DNER: variants seen among roughly 807,000 people sequenced by gnomAD.
DNER encodes delta/notch like EGF repeat containing.
A neutral mutation model predicts 78.2 loss-of-function variants in DNER; 33 were observed. That is an observed-to-expected ratio of 0.42 (90% confidence interval 0.32 to 0.56). The LOEUF (loss-of-function observed/expected upper bound fraction) is 0.56, where lower values mean the gene tolerates loss of function less well. Among genes scored for constraint, DNER ranks in the 20% least tolerant of loss-of-function variants. The pLI, the probability that DNER is intolerant of heterozygous loss-of-function variation, is 0.11. For missense variants in DNER, 918 were observed against 975.3 expected, an observed-to-expected ratio of 0.94 and a Z score of 0.78; for synonymous variants, 417 against 384.8, an observed-to-expected ratio of 1.08 and a Z score of -0.98.
intron 4 of DNER, among the ~76,000 whole-genome samples, chr2:229,562,778 G>C (rs1696983612): frequency 6.6e-6 from 1 of 151,934 alleles, no homozygotes; most frequent in Admixed American, 6.6e-5. Flanking sequence ...TATTTCCTGG[G>C]GTGGTTGTTA....
intron 10 of DNER, among the ~76,000 whole-genome samples, chr2:229,389,481 C>A (rs1199419522): frequency 6.6e-6 from 1 of 152,158 alleles, no homozygotes; most frequent in Non-Finnish European, 1.5e-5. Context: ...AATAAGCCCT[C>A]CTTTGCTTAG....
intron 6 of DNER, among the ~76,000 whole-genome samples, chr2:229,477,766 CT>C (rs999576849): frequency 6.6e-6 from 1 of 152,200 alleles, no homozygotes; most frequent in African/African-American, 2.4e-5. Flanking sequence ...TCTCCTCCCA[CT>C]TTAAAGATAA....
chr2:229,444,012 T>C (rs1349912170), intron 8 of DNER, among the ~76,000 whole-genome samples: 2 of 152,208 alleles, frequency 1.3e-5, no homozygotes, highest in Non-Finnish European at 2.9e-5. Context: ...TACAAGGCTC[T>C]GCTTTGAGAC....
chr2:229,496,896 C>T (rs1695514031), intron 6 of DNER, among the ~76,000 whole-genome samples: 1 of 152,110 alleles, frequency 6.6e-6, no homozygotes, highest in Admixed American at 6.6e-5. Flanking sequence ...AGAGACTATA[C>T]AGACAGAAAA....
At chr2:229,504,679 AG>A (rs1695698905) in intron 6 of DNER, among the ~76,000 whole-genome samples, 1 of 152,246 alleles carries the variant, frequency 6.6e-6, no homozygotes, top group African/African-American at 2.4e-5. Context: ...GAAATGCTGA[AG>A]GGATTACATT....
intron 6 of DNER, among the ~76,000 whole-genome samples, chr2:229,504,264 G>A (rs1574873781): frequency 6.6e-6 from 1 of 152,138 alleles, no homozygotes; most frequent in African/African-American, 2.4e-5. Context: ...CTGTTGCCCA[G>A]GCTGGAGTGC....
chr2:229,365,302 C>G (rs977527427), intron 12 of DNER, among the ~76,000 whole-genome samples: 4 of 152,010 alleles, frequency 2.6e-5, no homozygotes, highest in Admixed American at 2.6e-4. Context: ...GAGACAGTAC[C>G]CAGGAAGGAT....
intron 8 of DNER, among the ~76,000 whole-genome samples, chr2:229,425,858 T>C (rs1273338585): frequency 6.6e-6 from 1 of 152,202 alleles, no homozygotes; most frequent in Non-Finnish European, 1.5e-5. Context: ...CATGGTGCTG[T>C]GATCAGGACA....
intron 8 of DNER, among the ~76,000 whole-genome samples, chr2:229,423,112 G>A (rs760105992): frequency 1.3e-5 from 2 of 152,078 alleles, no homozygotes; most frequent in Non-Finnish European, 2.9e-5. Flanking sequence ...GCAATGATTG[G>A]AGGGTTCTAC....
rs567128401 is a variant in DNER, at chr2:229,680,235, G to A, written c.276+33913C>T. On this transcript the variant is annotated intron_variant, in intron 1 of 12. Transcript: ENST00000341772. ...TCCCGGGTATGGAATAAAAGGTGAC[G>A]CAGAAGGAGTATGGACACATCAATA... 1.2e-4 allele frequency among the ~76,000 whole-genome samples: 19 copies of A among 152,244 alleles called. No individual in the cohort carries two copies. In the East Asian group the frequency reaches 1.9e-3, roughly 15 times the overall value.
intron 1 of DNER, among the ~76,000 whole-genome samples, chr2:229,687,213 T>C (rs1699497382): frequency 6.6e-6 from 1 of 152,234 alleles, no homozygotes; most frequent in Non-Finnish European, 1.5e-5. Context: ...TTTTGGACTA[T>C]TACAAATAAT....
rs757492625 is a variant in DNER at position 229,418,194 on chromosome 2, T to C, written c.1523A>G (p.Glu508Gly). The change falls in exon 9 of 13, where the codon GAG becomes GGG. Residue 508 changes from glutamate (E) to glycine (G), a missense_variant. By Grantham distance (98) the Glu-to-Gly change is moderately conservative. Transcript: ENST00000341772. ...ATTCAGGCATGGAGCGGAGAGGCACTCATTATATTCCTCCTCACAGTAGAG... is the reference window on the plus strand; with the variant it reads ...ATTCAGGCATGGAGCGGAGAGGCACCCATTATATTCCTCCTCACAGTAGAG... The part of the protein sequence containing the change: ...HGLYCEEEYN[E>G]CLSAPCLNAA... 5.0e-6 allele frequency: 8 copies of C among 1,613,974 alleles called. No individual in the cohort carries two copies. Among genetic ancestry groups the C allele is most frequent in the Non-Finnish European group, 6.8e-6 (8 of 1,180,002 alleles).
chr2:229,617,858 G>T (rs955716634), intron 1 of DNER, among the ~76,000 whole-genome samples: 1 of 151,958 alleles, frequency 6.6e-6, no homozygotes, highest in Non-Finnish European at 1.5e-5. Flanking sequence ...AGGCTGTGGT[G>T]GGAGGATCGC....
intron 8 of DNER, among the ~76,000 whole-genome samples, chr2:229,425,908 C>A (rs1187313834): frequency 6.6e-6 from 1 of 152,178 alleles, no homozygotes; most frequent in Non-Finnish European, 1.5e-5. Flanking sequence ...CTCGTACAGA[C>A]TGAATTCAAG....
intron 8 of DNER, among the ~76,000 whole-genome samples, chr2:229,433,636 T>C (rs1694063325): frequency 6.6e-6 from 1 of 152,220 alleles, no homozygotes; most frequent in Non-Finnish European, 1.5e-5. Flanking sequence ...CCCACATCTC[T>C]GATCTAGCTT....
At chr2:229,429,874 C>T (rs1279356451) in intron 8 of DNER, among the ~76,000 whole-genome samples, 1 of 152,188 alleles carries the variant, frequency 6.6e-6, no homozygotes, top group East Asian at 1.9e-4. Context: ...AACCTCGGGG[C>T]TGGATCTGGT....
At chr2:229,626,084 T>G (rs1373316701) in intron 1 of DNER, among the ~76,000 whole-genome samples, 1 of 152,134 alleles carries the variant, frequency 6.6e-6, no homozygotes, top group Non-Finnish European at 1.5e-5. Flanking sequence ...AGTGCCTGGC[T>G]AATTTTTTGT....
chr2:229,652,447 C>G (rs944899521), intron 1 of DNER, among the ~76,000 whole-genome samples: 3 of 152,176 alleles, frequency 2.0e-5, no homozygotes, highest in Admixed American at 1.3e-4. Flanking sequence ...ATAGAAAGGA[C>G]ATGAACCATG....
chr2:229,610,226 G>C (rs918250402), intron 1 of DNER, among the ~76,000 whole-genome samples: 2 of 152,176 alleles, frequency 1.3e-5, no homozygotes, highest in African/African-American at 4.8e-5. Flanking sequence ...TCAATGAAGA[G>C]AGCAAATGAC....
Sources: gnomAD v4.1 joint callset for allele counts (sites outside exome capture counted in the v4.1 genomes callset) on GRCh38, gnomAD v4.1.1 for gene constraint, MANE v1.5 for transcripts, NCBI Gene and HGNC (gene_info 2026-07-23, HGNC 2026-07-21) for gene names.